Variants in GARS1 observed in about 807,000 individuals in gnomAD.
GARS1 encodes glycyl-tRNA synthetase 1, also known as glycine--tRNA ligase.
A neutral mutation model predicts 86.4 loss-of-function variants in GARS1; 46 were observed. The ratio of observed to expected loss-of-function variants is 0.53; its 90% confidence interval spans 0.42 to 0.68. The LOEUF (loss-of-function observed/expected upper bound fraction) is 0.68. Ranked by LOEUF, GARS1 falls within the 30% of genes least tolerant of loss-of-function variation. The probability of loss-of-function intolerance (pLI) is 0.00; values close to 1 mark genes in which losing one functional copy is unlikely to be tolerated. For synonymous variants in GARS1, 342 were observed against 329.8 expected, an observed-to-expected ratio of 1.04 and a Z score of -0.40; for missense variants, 797 against 915.6, an observed-to-expected ratio of 0.87 and a Z score of 1.67.
intron 1 of GARS1, 77 bp from the exon 2 acceptor site, chr7:30,598,719 G>T (rs966516048): frequency 4.9e-6 from 6 of 1,224,816 alleles, no homozygotes; most frequent in Non-Finnish European, 6.0e-6. Flanking sequence ...TTTTTAAAAG[G>T]CACGCTTAAA....
intron 2 of GARS1, 63 bp downstream of exon 2, chr7:30,598,960 T>G: frequency 7.6e-7 from 1 of 1,312,230 alleles, no homozygotes; most frequent in Non-Finnish European, 1.1e-6. Flanking sequence ...CTTTAATTTC[T>G]TTGGATGGGA....
At chr7:30,606,333 A>G (rs1442055269) in intron 6 of GARS1, among the ~76,000 whole-genome samples, 1 of 119,404 alleles carries the variant, frequency 8.4e-6, no homozygotes, top group Non-Finnish European at 1.8e-5. Context: ...TAGCTAGACT[A>G]TTTCTATATG....
chr7:30,597,151 T>A (rs1791268976), intron 1 of GARS1, among the ~76,000 whole-genome samples: 1 of 152,216 alleles, frequency 6.6e-6, no homozygotes, highest in Admixed American at 6.5e-5. Flanking sequence ...TGTGATGAGA[T>A]GAGTGGTGAT....
chr7:30,609,528 A>ATATCT, intron 6 of GARS1, 57 bp from the exon 7 acceptor site: 1 of 1,451,414 alleles, frequency 6.9e-7, no homozygotes, highest in South Asian at 1.1e-5. Context: ...ATAATACTTT[A>ATATCT]TATCTTATGC....
At chr7:30,611,386 A>G (rs1460545795) in intron 7 of GARS1, among the ~76,000 whole-genome samples, 1 of 152,226 alleles carries the variant, frequency 6.6e-6, no homozygotes, top group African/African-American at 2.4e-5. Context: ...AGGCATGGGT[A>G]TTATTTTCCA....
chr7:30,629,586 C>T (rs536230489), intron 14 of GARS1, among the ~76,000 whole-genome samples: 1 of 152,316 alleles, frequency 6.6e-6, no homozygotes, highest in East Asian at 1.9e-4. Context: ...AGACATCAAC[C>T]GTGTGGTTCT....
rs374980030 is a variant in GARS1, at chr7:30,616,004, C to G, written c.1140C>G (p.Ala380=). ...DLHLYLYSAK[A]QVSGQSARKM... ...ACCTTTATTTGTATTCAGCAAAAGC[C>G]CAGGTCAGCGGACAGTCCGCTCGGA... Residue 380 remains alanine, a synonymous_variant, in exon 9 of 17, where the codon GCC becomes GCG. Coordinates refer to ENST00000389266, the MANE Select transcript of GARS1 (RefSeq NM_002047.4). The G allele has an allele frequency of 3.0e-5, 48 of 1,613,998 alleles. No individual in the cohort carries two copies. The highest frequency in any genetic ancestry group is 4.0e-5 in the African/African-American group (3 of 74,878).
At chr7:30,598,210 C>G (rs868153196) in intron 1 of GARS1, among the ~76,000 whole-genome samples, 1 of 151,932 alleles carries the variant, frequency 6.6e-6, no homozygotes, top group Non-Finnish European at 1.5e-5. Flanking sequence ...TTAATCAATG[C>G]TTTTGTCTCC....
chr7:30,594,841 G>A (rs1361507993), upstream of GARS1: 45 of 1,244,134 alleles, frequency 3.6e-5, no homozygotes, highest in Non-Finnish European at 4.7e-5. Flanking sequence ...CGTTTACGCG[G>A]CGATTTCATC....
chr7:30,621,589 A>G, intron 11 of GARS1, 89 bp downstream of exon 11: 1 of 934,518 alleles, frequency 1.1e-6, no homozygotes, highest in South Asian at 1.3e-5. Context: ...TGTTCTATGG[A>G]TAAATGGAGA....
intron 3 of GARS1, 92 bp from the exon 4 acceptor site, chr7:30,600,967 A>C: frequency 8.6e-7 from 1 of 1,163,288 alleles, no homozygotes; most frequent in Non-Finnish European, 1.3e-6. Context: ...ATACACTTTT[A>C]GGGAGTATAG....
intron 2 of GARS1, 29 bp from the exon 3 acceptor site, chr7:30,599,918 T>G: frequency 1.1e-6 from 1 of 935,428 alleles, no homozygotes; most frequent in Non-Finnish European, 1.7e-6. Context: ...ACCCCTCCAC[T>G]CACTCACTTT....
upstream of GARS1, chr7:30,594,832 G>C (rs981616071): frequency 6.1e-5 from 72 of 1,171,192 alleles, no homozygotes; most frequent in Non-Finnish European, 7.0e-5. Context: ...GCGCCGCGTC[G>C]TTTACGCGGC....
At chr7:30,615,849 T>C in intron 8 of GARS1, 47 bp from the exon 9 acceptor site, 2 of 1,604,678 alleles carry the variant, frequency 1.2e-6, no homozygotes, top group Non-Finnish European at 1.7e-6. Flanking sequence ...TTTGTTTGTT[T>C]TTTGTAGTTA....
At chr7:30,599,621 T>G (rs756200052) in intron 2 of GARS1, among the ~76,000 whole-genome samples, 3 of 152,298 alleles carry the variant, frequency 2.0e-5, no homozygotes, top group Admixed American at 6.5e-5. Context: ...CAGGCTGGGC[T>G]TGAACTCCTG....
rs565761615 is a variant in GARS1, at chr7:30,603,428, G to C, written c.659-68G>C. ...CTTGGATTTACTTTTTAATTGTCTAGCATTGAAACTGAAAAGTGCATTGTC... is the reference window on the plus strand; with the variant it reads ...CTTGGATTTACTTTTTAATTGTCTACCATTGAAACTGAAAAGTGCATTGTC... On this transcript the variant is annotated intron_variant, in intron 5 of 16. Coordinates refer to ENST00000389266, the MANE Select transcript of GARS1 (RefSeq NM_002047.4). 1,339 of 1,235,758 alleles carry C rather than the reference G, an allele frequency of 1.1e-3. 2 individuals carry two copies. The highest frequency in any genetic ancestry group is 1.8e-3 in the Middle Eastern group (7 of 3,878). The allele number at this position is 1,235,758 out of a possible 1,614,324, so 76.5% of individuals were successfully genotyped here. A position where few individuals can be genotyped will look rare whatever the true frequency, so the allele number is the denominator to read the frequency against.
chr7:30,617,072 G>A (rs1562778119), intron 9 of GARS1, 42 bp from the exon 10 acceptor site: 5 of 1,605,568 alleles, frequency 3.1e-6, no homozygotes, highest in African/African-American at 1.3e-5. Context: ...ATTAATGTGT[G>A]TTTTCTTTTC....
intron 12 of GARS1, among the ~76,000 whole-genome samples, chr7:30,624,354 A>T (rs1783082359): frequency 6.6e-6 from 1 of 152,194 alleles, no homozygotes; most frequent in Non-Finnish European, 1.5e-5. Flanking sequence ...AGAAATGATA[A>T]ATATGTGGGT....
chr7:30,621,803 G>A, intron 11 of GARS1: 1 of 469,222 alleles, frequency 2.1e-6, no homozygotes, highest in South Asian at 2.5e-5. Flanking sequence ...CTTCACACCT[G>A]CACCTACCTA....
Sources: gnomAD v4.1 joint callset for allele counts (sites outside exome capture counted in the v4.1 genomes callset) on GRCh38, gnomAD v4.1.1 for gene constraint, MANE v1.5 for transcripts, NCBI Gene and HGNC (gene_info 2026-07-23, HGNC 2026-07-21) for gene names.